Variants in FRMD4A observed in about 807,000 individuals in gnomAD.
FRMD4A encodes FERM domain containing 4A.
FRMD4A carries 29 observed loss-of-function variants against 129.1 expected under a neutral mutation model. The observed-to-expected ratio is 0.22, with a 90% CI of 0.17 to 0.31. The LOEUF (loss-of-function observed/expected upper bound fraction) is 0.31, where lower values mean the gene tolerates loss of function less well. FRMD4A is among the 10% of genes least tolerant of loss of function. The pLI, the probability that FRMD4A is intolerant of heterozygous loss-of-function variation, is 1.00. For synonymous variants in FRMD4A, 634 were observed against 571.6 expected, an observed-to-expected ratio of 1.11 and a Z score of -1.56; for missense variants, 1,272 against 1,375.8, an observed-to-expected ratio of 0.92 and a Z score of 1.19.
intron 2 of FRMD4A, among the ~76,000 whole-genome samples, chr10:14,307,176 CATTT>C (rs1411261577): frequency 2.0e-5 from 3 of 152,188 alleles, no homozygotes; most frequent in African/African-American, 4.8e-5. Flanking sequence ...CATTTGCATT[CATTT>C]GTCACTAGAA....
At chr10:14,049,445 A>G (rs570220684) in intron 2 of FRMD4A, among the ~76,000 whole-genome samples, 37 of 152,308 alleles carry the variant, frequency 2.4e-4, no homozygotes, top group Middle Eastern at 3.4e-3. Context: ...CCTTTTAAAA[A>G]CTGGAATTCC....
At chr10:13,691,896 G>C (rs768830286) in intron 15 of FRMD4A, among the ~76,000 whole-genome samples, 2 of 152,150 alleles carry the variant, frequency 1.3e-5, no homozygotes, top group African/African-American at 4.8e-5. Flanking sequence ...GACTGGGAGC[G>C]GCTGTAATTC....
chr10:14,246,740 C>T (rs893902093), intron 2 of FRMD4A, among the ~76,000 whole-genome samples: 6 of 151,944 alleles, frequency 3.9e-5, no homozygotes, highest in South Asian at 2.1e-4. Flanking sequence ...GACGTTGTGG[C>T]GCCAAAAGCA....
At chr10:14,187,932 G>A (rs1288030947) in intron 2 of FRMD4A, among the ~76,000 whole-genome samples, 2 of 152,116 alleles carry the variant, frequency 1.3e-5, no homozygotes, top group Non-Finnish European at 2.9e-5. Flanking sequence ...GGGAGATGAC[G>A]ATGGAATGCA....
intron 2 of FRMD4A, among the ~76,000 whole-genome samples, chr10:14,131,983 C>T (rs1227391415): frequency 1.3e-5 from 2 of 152,186 alleles, no homozygotes; most frequent in Non-Finnish European, 2.9e-5. Context: ...TTTCTTATCC[C>T]TGACCAAAAG....
Position 13,878,425 on chromosome 10 carries a change from G to C in FRMD4A, c.46-19513C>G, listed in dbSNP as rs561661626. On this transcript the variant is annotated intron_variant, in intron 2 of 24. Coordinates refer to ENST00000357447, the MANE Select transcript of FRMD4A (RefSeq NM_018027.5). ...CACACCAAACCCTTTGATAACCAAA[G>C]TGCAGTGTATTTTTAGCAAAACCTT... is the stretch of plus-strand genomic sequence containing the variant. Among the ~76,000 whole-genome samples the C allele has an allele frequency of 3.3e-5, 5 of 152,286 alleles. No homozygotes were observed. In the South Asian group the frequency reaches 1.0e-3, roughly 32 times the overall value.
chr10:13,930,856 G>A (rs181117404), intron 2 of FRMD4A, among the ~76,000 whole-genome samples: 2 of 151,448 alleles, frequency 1.3e-5, no homozygotes, highest in African/African-American at 4.9e-5. Context: ...TTTTTAAGTC[G>A]GTGTCTTGCT....
At chr10:13,921,094 A>C (rs2095065533) in intron 2 of FRMD4A, among the ~76,000 whole-genome samples, 1 of 152,168 alleles carries the variant, frequency 6.6e-6, no homozygotes, top group East Asian at 1.9e-4. Flanking sequence ...GGGCACGAGC[A>C]CCATTGGATT....
In FRMD4A at chr10:13,986,898, A is replaced by G. The variant is rs1341887370; in HGVS notation, c.46-127986T>C. Among the ~76,000 whole-genome samples, 3 of 151,918 alleles carry G rather than the reference A, an allele frequency of 2.0e-5. No homozygotes were observed. In the South Asian group the frequency reaches 6.3e-4, roughly 32 times the overall value. On this transcript the variant is annotated intron_variant, in intron 2 of 24. Transcript: ENST00000357447. ...GTTCTTCAATTCACAATGGAACCTA[A>G]GGGTTTCGGTCAGTGGTTCTCATAC...
At chr10:13,912,454 G>A (rs1377341229) in intron 2 of FRMD4A, among the ~76,000 whole-genome samples, 2 of 151,280 alleles carry the variant, frequency 1.3e-5, no homozygotes, top group African/African-American at 4.9e-5. Context: ...GGCAAAAGCA[G>A]GAAGAAACTA....
At chr10:14,300,110 A>G (rs1248998899) in intron 2 of FRMD4A, among the ~76,000 whole-genome samples, 1 of 151,994 alleles carries the variant, frequency 6.6e-6, no homozygotes, top group Non-Finnish European at 1.5e-5. Flanking sequence ...ACGAAGGTAT[A>G]AAAGCCCAAT....
intron 2 of FRMD4A, among the ~76,000 whole-genome samples, chr10:14,318,320 C>A (rs1219291497): frequency 1.5e-5 from 1 of 66,508 alleles, no homozygotes; most frequent in Non-Finnish European, 3.2e-5. Context: ...AAGCTATATC[C>A]CCCCCCACCT....
chr10:13,979,185 C>G (rs1171082054), intron 2 of FRMD4A, among the ~76,000 whole-genome samples: 3 of 152,072 alleles, frequency 2.0e-5, no homozygotes, highest in African/African-American at 7.2e-5. Flanking sequence ...TATGTGTAAT[C>G]AAAGCCTTAT....
chr10:13,781,714 A>G (rs1243568640), intron 6 of FRMD4A, among the ~76,000 whole-genome samples: 1 of 152,188 alleles, frequency 6.6e-6, no homozygotes, highest in African/African-American at 2.4e-5. Flanking sequence ...TGCTAGGTAA[A>G]GTAAGCCAGA....
chr10:13,790,172 T>TC (rs78203172), intron 5 of FRMD4A, among the ~76,000 whole-genome samples: 49,676 of 147,018 alleles, frequency 0.34, 8,548 homozygotes, highest in East Asian at 0.49. Context: ...AGCGGTGAGG[T>TC]CAAGGTTGAC....
chr10:13,918,195 A>T (rs2095031605), intron 2 of FRMD4A, among the ~76,000 whole-genome samples: 1 of 152,182 alleles, frequency 6.6e-6, no homozygotes, highest in Admixed American at 6.5e-5. Context: ...GGTTTCTTGC[A>T]GGCCTGGCTT....
chr10:13,653,794 A>C (rs1326614183), intron 23 of FRMD4A: 1 of 153,852 alleles, frequency 6.5e-6, no homozygotes, highest in African/African-American at 2.4e-5. Context: ...CCAGTAGTTC[A>C]GAATAGCCTC....
chr10:13,747,884 A>T (rs1448029480), intron 8 of FRMD4A, 65 bp from the exon 9 acceptor site: 2 of 891,060 alleles, frequency 2.2e-6, no homozygotes, highest in Non-Finnish European at 3.8e-6. Context: ...CTCTGATACC[A>T]CTTGGGCCGC....
At chr10:14,012,178 C>T (rs930354243) in intron 2 of FRMD4A, among the ~76,000 whole-genome samples, 11 of 151,226 alleles carry the variant, frequency 7.3e-5, no homozygotes, top group Admixed American at 6.6e-4. Flanking sequence ...GGAAAGATGC[C>T]TCAGGGATGG....
Sources: gnomAD v4.1 joint callset for allele counts (sites outside exome capture counted in the v4.1 genomes callset) on GRCh38, gnomAD v4.1.1 for gene constraint, MANE v1.5 for transcripts, NCBI Gene and HGNC (gene_info 2026-07-23, HGNC 2026-07-21) for gene names.